The following KCNQ1 variants were observed in gnomAD, a reference collection of about 807,000 sequenced individuals.
The protein encoded by KCNQ1 is potassium voltage-gated channel subfamily KQT member 1.
KCNQ1 carries 49 observed loss-of-function variants against 72.4 expected under a neutral mutation model. The ratio of observed to expected loss-of-function variants is 0.68; its 90% confidence interval spans 0.54 to 0.86. The LOEUF (loss-of-function observed/expected upper bound fraction) is 0.86. KCNQ1 is among the 40% of genes least tolerant of loss of function. The pLI is 0.00. For missense variants in KCNQ1, 790 were observed against 945.1 expected (o/e 0.84, Z 2.15); for synonymous variants, 450 against 412.6 (o/e 1.09, Z -1.10).
chr11:2,668,844 C>T lies in KCNQ1; in HGVS notation c.1514+6763C>T, dbSNP rs554817968. On this transcript the variant is annotated intron_variant, in intron 11 of 15. Transcript: ENST00000155840. The surrounding 1 kb of genome is among the most constrained non-coding windows in gnomAD (Gnocchi z 4.3). ...TCAAACATTTCCTCTCTGGATAGGG[C>T]TGTTTGTGTCCTATTTAAGAAACTT... The T allele has an allele frequency of 2.5e-6, 1 of 398,604 alleles. No individual in the cohort carries two copies. Among genetic ancestry groups the T allele is most frequent in the African/African-American group, 2.1e-5 (1 of 48,734 alleles). 24.7% of individuals were successfully genotyped at this position (398,604 alleles called of 1,614,324 possible). A position where few individuals can be genotyped will look rare whatever the true frequency, so the allele number is the denominator to read the frequency against.
At chr11:2,505,127 G>A (rs1254741631) in intron 1 of KCNQ1, among the ~76,000 whole-genome samples, 1 of 151,590 alleles carries the variant, frequency 6.6e-6, no homozygotes, top group Non-Finnish European at 1.5e-5. Context: ...AGGTAAATGT[G>A]TGCCACGGTG....
Position 2,562,232 on chromosome 11 carries a change from G to A in KCNQ1, c.478-8396G>A, listed in dbSNP as rs1848180737. Among the ~76,000 whole-genome samples the A allele has an allele frequency of 6.6e-6, 1 of 152,052 alleles. No homozygotes were observed. The highest frequency in any genetic ancestry group is 1.5e-5 in the Non-Finnish European group (1 of 67,972). On this transcript the variant is annotated intron_variant, in intron 2 of 15. Coordinates refer to ENST00000155840, the MANE Select transcript of KCNQ1 (RefSeq NM_000218.3). This position sits in a 1 kb window ranked among gnomAD's most constrained non-coding sequence, Gnocchi z 7.5. ...CCGGGGGGTGGGGGTGAGGGCGGGG[G>A]TGAGTGTGGATGAGGGCCCCAGCTG...
Position 2,661,865 on chromosome 11 carries a change from C to G in KCNQ1, c.1394-96C>G. On this transcript the variant is annotated intron_variant, in intron 10 of 15. Coordinates refer to ENST00000155840, the MANE Select transcript of KCNQ1 (RefSeq NM_000218.3). The surrounding 1 kb of genome is among the most constrained non-coding windows in gnomAD (Gnocchi z 5.9). Reference sequence around the variant, plus strand: ...CTGGAGCTTCCAGGCACAAGCTCCACTCCTCACCTGGCCCTGGGAGCTCAC... The same window carrying G: ...CTGGAGCTTCCAGGCACAAGCTCCAGTCCTCACCTGGCCCTGGGAGCTCAC... The G allele has an allele frequency of 1.3e-6, 2 of 1,505,206 alleles. No individual in the cohort carries two copies. Among genetic ancestry groups the G allele is most frequent in the Non-Finnish European group, 1.8e-6 (2 of 1,083,504 alleles). 93.2% of individuals were successfully genotyped at this position (1,505,206 alleles called of 1,614,324 possible).
rs1419185918 is a variant in KCNQ1 at position 2,603,945 on chromosome 11, C to A, written c.1393+15091C>A. ...ACCTCAGGTGATCCGCCCACCTCGG[C>A]CTCCTAACCTGCTGGGACCACAGGC... On this transcript the variant is annotated intron_variant, in intron 10 of 15. Coordinates refer to ENST00000155840, the MANE Select transcript of KCNQ1 (RefSeq NM_000218.3). This position sits in a 1 kb window ranked among gnomAD's most constrained non-coding sequence, Gnocchi z 4.1. Among the ~76,000 whole-genome samples, 1 of 152,092 alleles carries A rather than the reference C, an allele frequency of 6.6e-6. No homozygotes were observed. The highest frequency in any genetic ancestry group is 1.5e-5 in the Non-Finnish European group (1 of 68,006).
chr11:2,445,510 G>A (rs1431767634), intron 1 of KCNQ1, 26 bp downstream of exon 1: 4 of 1,586,404 alleles, frequency 2.5e-6, no homozygotes, highest in Non-Finnish European at 3.4e-6. Flanking sequence ...GGCGACGGCC[G>A]GCACGAAGGT....
At chr11:2,449,565 G>A (rs1188947794) in intron 1 of KCNQ1, among the ~76,000 whole-genome samples, 1 of 152,112 alleles carries the variant, frequency 6.6e-6, no homozygotes, top group African/African-American at 2.4e-5. Flanking sequence ...CCTGGCATGT[G>A]GCACGTCTTG....
chr11:2,792,584 C>G (rs1009374935), intron 15 of KCNQ1, among the ~76,000 whole-genome samples: 1 of 152,210 alleles, frequency 6.6e-6, no homozygotes, highest in African/African-American at 2.4e-5. Context: ...GGTGAGGGAG[C>G]GCATCCTATG....
intron 2 of KCNQ1, among the ~76,000 whole-genome samples, chr11:2,539,968 G>C (rs1847796782): frequency 1.3e-5 from 2 of 152,184 alleles, no homozygotes; most frequent in Non-Finnish European, 2.9e-5. Flanking sequence ...GGCAGCAGCT[G>C]ACACAACACA....
Position 2,516,693 on chromosome 11 carries a change from A to C in KCNQ1, c.387-11235A>C, listed in dbSNP as rs1352676646. Among the ~76,000 whole-genome samples the C allele has an allele frequency of 6.6e-6, 1 of 151,982 alleles. No homozygotes were observed. Among genetic ancestry groups the C allele is most frequent in the East Asian group, 1.9e-4 (1 of 5,174 alleles). On this transcript the variant is annotated intron_variant, in intron 1 of 15. Transcript: ENST00000155840. The surrounding 1 kb of genome is among the most constrained non-coding windows in gnomAD (Gnocchi z 7.0). ...CCGGGATCCTCATGCTACGGCCACCACCTGATTTTGTCGATAAAGTTTTAT... is the reference window on the plus strand; with the variant it reads ...CCGGGATCCTCATGCTACGGCCACCCCCTGATTTTGTCGATAAAGTTTTAT...
intron 10 of KCNQ1, chr11:2,618,454 G>C (rs1849106296): frequency 5.0e-6 from 2 of 398,490 alleles, no homozygotes; most frequent in South Asian, 2.5e-4. Context: ...ATTTATGAGA[G>C]AGACTATCTT....
At position 2,695,554 on chromosome 11, in the gene KCNQ1, T is replaced by C. The variant is rs1025639309; in HGVS notation, c.1514+33473T>C. On this transcript the variant is annotated intron_variant, in intron 11 of 15. Transcript: ENST00000155840. This position sits in a 1 kb window ranked among gnomAD's most constrained non-coding sequence, Gnocchi z 5.2. ...AACTGCCCACCCCTATGGGCCATGC[T>C]GCCCTGAGCATGCACACACACAGCC... is the stretch of plus-strand genomic sequence containing the variant. 21 of 398,688 alleles carry C rather than the reference T, an allele frequency of 5.3e-5. No individual in the cohort carries two copies. The highest frequency in any genetic ancestry group is 4.1e-4 in the African/African-American group (20 of 48,756). The allele number at this position is 398,688 out of a possible 1,614,324, so 24.7% of individuals were successfully genotyped here.
intron 10 of KCNQ1, among the ~76,000 whole-genome samples, chr11:2,590,979 A>G (rs1158672103): frequency 6.6e-6 from 1 of 152,224 alleles, no homozygotes; most frequent in Non-Finnish European, 1.5e-5. Context: ...CATCCAAGTA[A>G]TATGATCCAT....
chr11:2,487,109 A>G (rs1284802396), intron 1 of KCNQ1, among the ~76,000 whole-genome samples: 1 of 152,194 alleles, frequency 6.6e-6, no homozygotes, highest in African/African-American at 2.4e-5. Flanking sequence ...CAGTTTTCCC[A>G]GCACCATTTG....
At chr11:2,520,626 C>T (rs1048594106) in intron 1 of KCNQ1, among the ~76,000 whole-genome samples, 1 of 152,150 alleles carries the variant, frequency 6.6e-6, no homozygotes, top group African/African-American at 2.4e-5. Context: ...GCGTCCACAT[C>T]CCAGGGCTCT....
chr11:2,616,713 C>G, intron 10 of KCNQ1: 3 of 398,024 alleles, frequency 7.5e-6, no homozygotes, highest in Non-Finnish European at 1.3e-5. Flanking sequence ...TCTTCTGTTA[C>G]AGATTTCTGG....
rs972972863 is a variant in KCNQ1 at position 2,783,891 on chromosome 11, A to G, written c.1794+5854A>G. 6.6e-6 allele frequency among the ~76,000 whole-genome samples: 1 copy of G among 152,062 alleles called. No homozygotes were observed. The highest frequency in any genetic ancestry group is 1.5e-5 in the Non-Finnish European group (1 of 67,908). On this transcript the variant is annotated intron_variant, in intron 15 of 15. Transcript: ENST00000155840. The surrounding 1 kb of genome is among the most constrained non-coding windows in gnomAD (Gnocchi z 5.2). ...CAAGGGTTTTTTATATGTTCTGGAT[A>G]CAAGTCCTTTATCAGATCTATGACT...
intron 15 of KCNQ1, among the ~76,000 whole-genome samples, chr11:2,792,705 G>A (rs1342297634): frequency 6.6e-6 from 1 of 152,216 alleles, no homozygotes; most frequent in Admixed American, 6.5e-5. Flanking sequence ...CCAGAGCCAC[G>A]GACAAGGGGG....
intron 2 of KCNQ1, among the ~76,000 whole-genome samples, chr11:2,561,988 G>A (rs1397736903): frequency 6.6e-6 from 1 of 152,188 alleles, no homozygotes; most frequent in Non-Finnish European, 1.5e-5. Flanking sequence ...CCTCAGGGTG[G>A]CACCCCAGCG....
In KCNQ1 at chr11:2,498,511, C is replaced by A. The variant is rs1477942782; in HGVS notation, c.387-29417C>A. On this transcript the variant is annotated intron_variant, in intron 1 of 15. Transcript: ENST00000155840. The surrounding 1 kb of genome is among the most constrained non-coding windows in gnomAD (Gnocchi z 4.8). ...AGGGGAAAACCGCCTACTAAAGCCT[C>A]AGTAATACCAAATGCCCCTCCCGCC... Among the ~76,000 whole-genome samples, 1 of 152,196 alleles carries A rather than the reference C, an allele frequency of 6.6e-6. No homozygotes were observed. The highest frequency in any genetic ancestry group is 1.5e-5 in the Non-Finnish European group (1 of 68,030).
Sources: gnomAD v4.1 joint callset for allele counts (sites outside exome capture counted in the v4.1 genomes callset) on GRCh38, gnomAD v4.1.1 for gene constraint, Gnocchi (gnomAD v3.1) non-coding constraint, MANE v1.5 for transcripts, NCBI Gene and HGNC (gene_info 2026-07-23, HGNC 2026-07-21) for gene names.